Variants in ZCCHC14 observed in about 807,000 individuals in gnomAD.
The protein encoded by ZCCHC14 is zinc finger CCHC-type containing 14, also known as zinc finger CCHC domain-containing protein 14.
A neutral mutation model predicts 85.0 loss-of-function variants in ZCCHC14; 16 were observed. That is an observed-to-expected ratio of 0.19 (90% CI 0.13 to 0.29). ZCCHC14 has a LOEUF of 0.29. Among genes scored for constraint, ZCCHC14 ranks in the 10% least tolerant of loss-of-function variants. The pLI is 1.00. For synonymous variants in ZCCHC14, 775 were observed against 630.7 expected, an observed-to-expected ratio of 1.23 and a Z score of -3.43; for missense variants, 1,303 against 1,443.5, an observed-to-expected ratio of 0.90 and a Z score of 1.58.
rs750267511 is a variant in ZCCHC14 at position 87,491,801 on chromosome 16, G to A, written c.438C>T (p.Ser146=). The A allele has an allele frequency of 5.5e-5, 87 of 1,587,628 alleles. No homozygotes were observed. The highest frequency in any genetic ancestry group is 7.3e-5 in the Non-Finnish European group (85 of 1,170,710). The change falls in exon 1 of 13, where the codon AGC becomes AGT. Residue 146 remains serine, a synonymous_variant. Transcript: ENST00000671377. This position sits in a 1 kb window ranked among gnomAD's most constrained non-coding sequence, Gnocchi z 5.9. ...FTMASNHPAF[S]FHQKQVLRQE... Reference sequence around the variant, plus strand: ...GGCGCAGCACCTGCTTCTGGTGGAAGCTGAAGGCCGGGTGGTTGGAGGCCA... The same window carrying A: ...GGCGCAGCACCTGCTTCTGGTGGAAACTGAAGGCCGGGTGGTTGGAGGCCA...
chr16:87,468,026 C>A (rs1254778554), intron 1 of ZCCHC14, among the ~76,000 whole-genome samples: 1 of 152,136 alleles, frequency 6.6e-6, no homozygotes, highest in Non-Finnish European at 1.5e-5. Context: ...CGTGAGCCAC[C>A]GCGCCTGGCC....
chr16:87,450,855 C>A (rs1359478797), intron 2 of ZCCHC14, among the ~76,000 whole-genome samples: 1 of 151,566 alleles, frequency 6.6e-6, no homozygotes, highest in East Asian at 1.9e-4. Flanking sequence ...TGCGCATGGT[C>A]TGATAATATT....
At position 87,407,552 on chromosome 16, in the gene ZCCHC14, G is replaced by A. The variant is rs1348010307; in HGVS notation, c.*2728C>T. ...AATAGCTGTTGTATCCAAACATCAC[G>A]TTCTGCTTCCATCTCTACATTCCAC... On this transcript the variant is annotated 3_prime_UTR_variant, in exon 13 of 13. Coordinates refer to ENST00000671377, the MANE Select transcript of ZCCHC14 (RefSeq NM_015144.3). 4.6e-5 allele frequency: 7 copies of A among 152,106 alleles called. No homozygotes were observed. The highest frequency in any genetic ancestry group is 1.0e-4 in the Non-Finnish European group (7 of 68,016). 9.4% of individuals were successfully genotyped at this position (152,106 alleles called of 1,614,324 possible).
intron 12 of ZCCHC14, 73 bp from the exon 13 acceptor site, chr16:87,410,408 C>T (rs1316158067): frequency 1.2e-5 from 8 of 687,826 alleles, no homozygotes; most frequent in Non-Finnish European, 2.1e-5. Context: ...TCTGTCCAGT[C>T]ATGTCCAGAG....
At chr16:87,453,531 C>T (rs764068910) in intron 2 of ZCCHC14, among the ~76,000 whole-genome samples, 15 of 152,180 alleles carry the variant, frequency 9.9e-5, no homozygotes, top group Non-Finnish European at 1.8e-4. Flanking sequence ...CCAGACAAAG[C>T]CCAGGCTCTG....
chr16:87,477,991 A>G (rs1336964478), intron 1 of ZCCHC14, among the ~76,000 whole-genome samples: 1 of 150,780 alleles, frequency 6.6e-6, no homozygotes, highest in African/African-American at 2.5e-5. Context: ...CATTGCATGC[A>G]CCTAGAACCA....
At position 87,408,464 on chromosome 16, in the gene ZCCHC14, A is replaced by G. The variant is rs1251801900; in HGVS notation, c.*1816T>C. ...TCCAGTCTAGTACTCTTTAAGGCAA[A>G]GTTGTGTCAGTTCTCATTATTTTGA... On this transcript the variant is annotated 3_prime_UTR_variant, in exon 13 of 13. Transcript: ENST00000671377. The G allele has an allele frequency of 1.3e-5, 2 of 152,604 alleles. No homozygotes were observed. The highest frequency in any genetic ancestry group is 2.9e-5 in the Non-Finnish European group (2 of 68,046). The allele number at this position is 152,604 out of a possible 1,614,324, so 9.5% of individuals were successfully genotyped here.
chr16:87,433,240 C>G, intron 2 of ZCCHC14, 39 bp from the exon 3 acceptor site: 1 of 1,579,276 alleles, frequency 6.3e-7, no homozygotes, highest in Non-Finnish European at 8.7e-7. Context: ...GAAATAAGAG[C>G]TTGAAGTATA....
intron 1 of ZCCHC14, among the ~76,000 whole-genome samples, chr16:87,461,662 G>A (rs1221034951): frequency 6.6e-6 from 1 of 152,216 alleles, no homozygotes; most frequent in Non-Finnish European, 1.5e-5. Context: ...GGCCAGGTAG[G>A]CGTGGCCTCG....
chr16:87,430,431 T>C (rs1212126730), intron 3 of ZCCHC14, among the ~76,000 whole-genome samples: 1 of 152,234 alleles, frequency 6.6e-6, no homozygotes, highest in Non-Finnish European at 1.5e-5. Context: ...TCGAGAAGGC[T>C]TGAAATCAGG....
At chr16:87,467,613 A>C (rs1249003674) in intron 1 of ZCCHC14, 10 of 1,187,908 alleles carry the variant, frequency 8.4e-6, no homozygotes, top group Non-Finnish European at 1.3e-5. Flanking sequence ...TGGAGATGAC[A>C]ACTTGACTTC....
At chr16:87,450,359 T>C (rs541632456) in intron 2 of ZCCHC14, among the ~76,000 whole-genome samples, 2 of 152,332 alleles carry the variant, frequency 1.3e-5, no homozygotes, top group Admixed American at 1.3e-4. Context: ...TTATTAGAAT[T>C]TGAACATTCA....
intron 1 of ZCCHC14, among the ~76,000 whole-genome samples, chr16:87,461,271 C>T (rs943104207): frequency 6.6e-6 from 1 of 152,118 alleles, no homozygotes; most frequent in African/African-American, 2.4e-5. Context: ...CCCAGAGGGG[C>T]GAGAGGAGGG....
intron 1 of ZCCHC14, among the ~76,000 whole-genome samples, chr16:87,464,720 C>G (rs1435615535): frequency 6.6e-6 from 1 of 152,192 alleles, no homozygotes; most frequent in Non-Finnish European, 1.5e-5. Flanking sequence ...CTTTTTCCAA[C>G]CAAGCCTTTA....
chr16:87,412,275 C>G lies in ZCCHC14; in HGVS notation c.2446G>C (p.Ala816Pro). ...GCAGAAAAGGCAACTTTGGTGTTGGCTGTGTACAGAGCAGTCCGGGGGTTT... is the reference window on the plus strand; with the variant it reads ...GCAGAAAAGGCAACTTTGGTGTTGGGTGTGTACAGAGCAGTCCGGGGGTTT... Reference protein sequence around the residue: ...IINPRTALYTANTKVAFSAMS... With the variant: ...IINPRTALYTPNTKVAFSAMS... The change falls in exon 12 of 13, where the codon GCC becomes CCC. Residue 816 changes from alanine (A) to proline (P), a missense_variant. Physicochemically the swap from Ala to Pro is conservative, Grantham distance 27 (BLOSUM62 -1). This residue lies in a region of ZCCHC14 where 797 missense variants were observed against 730.8 expected (regional missense o/e 1.09). Transcript: ENST00000671377. 6.2e-7 allele frequency: 1 copy of G among 1,613,898 alleles called. No individual in the cohort carries two copies. Among genetic ancestry groups the G allele is most frequent in the Non-Finnish European group, 8.5e-7 (1 of 1,180,022 alleles).
At chr16:87,415,986 G>C (rs925170928) in intron 8 of ZCCHC14, among the ~76,000 whole-genome samples, 3 of 152,116 alleles carry the variant, frequency 2.0e-5, no homozygotes, top group African/African-American at 4.8e-5. Context: ...GAGTGCAGTG[G>C]TGCGATCTCG....
At chr16:87,465,650 T>C (rs1379231080) in intron 1 of ZCCHC14, among the ~76,000 whole-genome samples, 3 of 152,216 alleles carry the variant, frequency 2.0e-5, no homozygotes, top group African/African-American at 4.8e-5. Flanking sequence ...CAAACTTTAA[T>C]GTGCAAAATG....
intron 1 of ZCCHC14, among the ~76,000 whole-genome samples, chr16:87,469,391 G>A (rs1911677204): frequency 1.3e-5 from 2 of 152,218 alleles, no homozygotes; most frequent in Admixed American, 6.5e-5. Flanking sequence ...GTAGGGAGCA[G>A]AATCAAGTGC....
At position 87,456,532 on chromosome 16, in the gene ZCCHC14, C is replaced by CAAAA. The variant is rs1567531853; in HGVS notation, c.694+3475_694+3476insTTTT. Among the ~76,000 whole-genome samples, 41 of 7,848 alleles carry CAAAA rather than the reference C, an allele frequency of 5.2e-3. 1 individual carries two copies. In the East Asian group the frequency reaches 0.1, roughly 19 times the overall value. The allele number at this position is 7,848 out of a possible 152,430, so 5.1% of individuals were successfully genotyped here. A position where few individuals can be genotyped will look rare whatever the true frequency, so the allele number is the denominator to read the frequency against. On this transcript the variant is annotated intron_variant, in intron 2 of 12. Coordinates refer to ENST00000671377, the MANE Select transcript of ZCCHC14 (RefSeq NM_015144.3). ...TGGGCGACAGAGCAAGACTCTGTCTCCAAAAAAAAAAAAAAAAAAAAAAAA... is the reference window on the plus strand; with the variant it reads ...TGGGCGACAGAGCAAGACTCTGTCTCAAAACAAAAAAAAAAAAAAAAAAAAAAAA...
Sources: allele counts gnomAD v4.1 joint callset (sites outside exome capture counted in the v4.1 genomes callset), GRCh38; gene constraint gnomAD v4.1.1; regional missense constraint gnomAD v4.1.1; non-coding constraint Gnocchi (gnomAD v3.1); transcripts MANE v1.5; gene names NCBI Gene and HGNC (gene_info 2026-07-23, HGNC 2026-07-21).